ABHD18: variants seen among roughly 807,000 people sequenced by gnomAD.
The protein encoded by ABHD18 is abhydrolase domain containing 18, also known as cardiolipin-specific deacylase, mitochondrial.
ABHD18 carries 55 observed loss-of-function variants against 65.9 expected under a neutral mutation model. That is an observed-to-expected ratio of 0.84 (90% confidence interval 0.67 to 1.05). ABHD18 has a LOEUF of 1.05. ABHD18 is among the 50% of genes least tolerant of loss of function. ABHD18 has a pLI of 0.00. For synonymous variants in ABHD18, 181 were observed against 180.2 expected (o/e 1.00, Z -0.04); for missense variants, 533 against 558.5 (o/e 0.95, Z 0.46).
At chr4:128,011,804 A>G in intron 7 of ABHD18, 104 bp downstream of exon 7, 2 of 299,746 alleles carry the variant, frequency 6.7e-6, no homozygotes, top group South Asian at 3.7e-5. Context: ...GAATACCTAA[A>G]TATTATGGGG....
At chr4:128,016,591 A>T (rs1384506611) in intron 7 of ABHD18, among the ~76,000 whole-genome samples, 2 of 151,640 alleles carry the variant, frequency 1.3e-5, no homozygotes, top group African/African-American at 2.4e-5. Flanking sequence ...TCTGGCCAAC[A>T]TGGTGAAACC....
intron 10 of ABHD18, among the ~76,000 whole-genome samples, chr4:128,026,575 T>A (rs1226712271): frequency 6.6e-6 from 1 of 152,158 alleles, no homozygotes; most frequent in East Asian, 1.9e-4. Flanking sequence ...TAGCTCTTAA[T>A]AAATTAAAGT....
At chr4:128,004,722 G>T (rs1189756984) in intron 4 of ABHD18, among the ~76,000 whole-genome samples, 1 of 137,656 alleles carries the variant, frequency 7.3e-6, no homozygotes, top group African/African-American at 2.7e-5. Flanking sequence ...ACCAGCCTGG[G>T]CAACATGGCG....
intron 7 of ABHD18, among the ~76,000 whole-genome samples, chr4:128,014,926 A>G (rs1450053174): frequency 6.6e-6 from 1 of 152,118 alleles, no homozygotes; most frequent in Non-Finnish European, 1.5e-5. Flanking sequence ...AAAAATACAG[A>G]AATTAGCTGG....
chr4:127,992,203 G>A (rs141079919), intron 4 of ABHD18, among the ~76,000 whole-genome samples: 14 of 152,304 alleles, frequency 9.2e-5, no homozygotes, highest in Admixed American at 6.5e-4. Flanking sequence ...CGGGCACGGT[G>A]TCTCACGCCT....
At chr4:127,998,858 C>T (rs976978925) in intron 4 of ABHD18, among the ~76,000 whole-genome samples, 10 of 152,092 alleles carry the variant, frequency 6.6e-5, no homozygotes, top group African/African-American at 2.4e-4. Context: ...GTCTTTAACT[C>T]TGCCACTATG....
In ABHD18 at chr4:127,977,245, G is replaced by A. The variant is rs373229410; in HGVS notation, c.-17-5694G>A. Reference sequence around the variant, plus strand: ...CCCAGCCCTTTGGGAGGCTGAGGCAGGTGGATCACCTGAGGTCGGGAGTTC... The same window carrying A: ...CCCAGCCCTTTGGGAGGCTGAGGCAAGTGGATCACCTGAGGTCGGGAGTTC... On this transcript the variant is annotated intron_variant, in intron 1 of 12. Coordinates refer to ENST00000645843, the MANE Select transcript of ABHD18 (RefSeq NM_001358451.3). Among the ~76,000 whole-genome samples the A allele has an allele frequency of 2.2e-3, 338 of 152,166 alleles. 1 individual carries two copies. The highest frequency in any genetic ancestry group is 6.8e-3 in the Middle Eastern group (2 of 292).
intron 1 of ABHD18, among the ~76,000 whole-genome samples, chr4:127,975,952 A>C (rs1747838458): frequency 6.6e-6 from 1 of 151,872 alleles, no homozygotes; most frequent in South Asian, 2.1e-4. Context: ...CAGCTTCCTG[A>C]GTATCTGGGA....
intron 1 of ABHD18, among the ~76,000 whole-genome samples, chr4:127,974,997 CAAAAAAAAAAA>C (rs34068699): frequency 1.1e-5 from 1 of 88,286 alleles, no homozygotes; most frequent in South Asian, 4.2e-4. Flanking sequence ...AACTGTGTCT[CAAAAAAAAAAA>C]AAAAAAAAAA....
intron 11 of ABHD18, among the ~76,000 whole-genome samples, chr4:128,030,290 A>C (rs1184794014): frequency 6.6e-6 from 1 of 152,218 alleles, no homozygotes; most frequent in Non-Finnish European, 1.5e-5. Flanking sequence ...ACCCACACCC[A>C]CACAAAAGAA....
chr4:128,012,056 G>A (rs1754674316), intron 7 of ABHD18, among the ~76,000 whole-genome samples: 1 of 151,490 alleles, frequency 6.6e-6, no homozygotes, highest in African/African-American at 2.4e-5. Flanking sequence ...CAGCTCACTG[G>A]AACCTCTGCC....
intron 4 of ABHD18, among the ~76,000 whole-genome samples, chr4:128,007,740 A>C (rs1259131125): frequency 4.2e-5 from 5 of 119,724 alleles, no homozygotes; most frequent in Admixed American, 1.8e-4. Context: ...CCCTGTCTCC[A>C]AAAAAAAAAA....
rs869099600 is a variant in ABHD18 at position 128,033,524 on chromosome 4, C to CTTTTTTTTTTTTTTTTTTTTTTTTTTT, written c.1344-2218_1344-2217insTTTTTTTTTTTTTTTTTTTTTTTTTTT. Among the ~76,000 whole-genome samples, 4 of 108,630 alleles carry CTTTTTTTTTTTTTTTTTTTTTTTTTTT rather than the reference C, an allele frequency of 3.7e-5. 1 individual carries two copies. The highest frequency in any genetic ancestry group is 6.7e-4 in the East Asian group (2 of 2,988). The allele number at this position is 108,630 out of a possible 152,430, so 71.3% of individuals were successfully genotyped here. On this transcript the variant is annotated intron_variant, in intron 12 of 12. Coordinates refer to ENST00000645843, the MANE Select transcript of ABHD18 (RefSeq NM_001358451.3). The stretch of plus-strand genomic sequence containing the variant: ...GCAGGCTATCAGTTTCAAAGATAGT[C>CTTTTTTTTTTTTTTTTTTTTTTTTTTT]TTTTTTTTTTTTTTTTTTTTGTCTT...
chr4:128,026,536 T>C (rs1205754152), intron 10 of ABHD18, among the ~76,000 whole-genome samples: 2 of 152,170 alleles, frequency 1.3e-5, no homozygotes, highest in Admixed American at 1.3e-4. Context: ...ATTTGGGGGT[T>C]CTGGGCTTTC....
chr4:127,978,669 A>T (rs1286106051), intron 1 of ABHD18, among the ~76,000 whole-genome samples: 1 of 152,216 alleles, frequency 6.6e-6, no homozygotes, highest in East Asian at 1.9e-4. Flanking sequence ...TATTATCATT[A>T]CTTCCATTTT....
chr4:127,981,712 A>G (rs1749086241), intron 1 of ABHD18, among the ~76,000 whole-genome samples: 1 of 152,216 alleles, frequency 6.6e-6, no homozygotes, highest in African/African-American at 2.4e-5. Context: ...CAAATAGTAT[A>G]ATAAAACTGT....
chr4:127,966,307 A>G (rs1745354548), intron 1 of ABHD18, among the ~76,000 whole-genome samples: 1 of 152,192 alleles, frequency 6.6e-6, no homozygotes, highest in Non-Finnish European at 1.5e-5. Context: ...ATCCTATGAG[A>G]TAGGCGAAGC....
At chr4:127,981,032 C>G (rs1173908471) in intron 1 of ABHD18, among the ~76,000 whole-genome samples, 1 of 151,912 alleles carries the variant, frequency 6.6e-6, no homozygotes, top group Non-Finnish European at 1.5e-5. Context: ...TTCAACAAAT[C>G]TCATTGGAAC....
At chr4:127,989,213 C>G (rs1395048138) in intron 3 of ABHD18, among the ~76,000 whole-genome samples, 1 of 151,994 alleles carries the variant, frequency 6.6e-6, no homozygotes, top group Non-Finnish European at 1.5e-5. Flanking sequence ...TATGTGGGAG[C>G]TGAATATTTT....
Sources: allele counts gnomAD v4.1 joint callset (sites outside exome capture counted in the v4.1 genomes callset), GRCh38; gene constraint gnomAD v4.1.1; transcripts MANE v1.5; gene names NCBI Gene and HGNC (gene_info 2026-07-23, HGNC 2026-07-21).